Variants in GPC6 observed in about 807,000 individuals in gnomAD.
GPC6 encodes the protein glypican 6, also known as glypican-6.
A neutral mutation model predicts 55.2 loss-of-function variants in GPC6; 14 were observed. That is an observed-to-expected ratio of 0.25 (90% CI 0.17 to 0.40). GPC6 has a LOEUF of 0.40. GPC6 is among the 10% of genes least tolerant of loss of function. The probability of loss-of-function intolerance (pLI) is 1.00; values close to 1 mark genes in which losing one functional copy is unlikely to be tolerated. For missense variants in GPC6, 641 were observed against 708.5 expected (o/e 0.90, Z 1.08); for synonymous variants, 278 against 259.6 (o/e 1.07, Z -0.68).
chr13:93,900,970 G>C (rs1467200847), intron 3 of GPC6, among the ~76,000 whole-genome samples: 4 of 152,072 alleles, frequency 2.6e-5, no homozygotes, highest in African/African-American at 9.7e-5. Flanking sequence ...CCAGTTCTTG[G>C]TCACAGCTAA....
rs1880287177 is a variant in GPC6 at position 93,342,334 on chromosome 13, G to A, written c.160+114718G>A. Among the ~76,000 whole-genome samples the A allele has an allele frequency of 4.6e-5, 7 of 152,268 alleles. No individual in the cohort carries two copies. The South Asian group carries it at 1.5e-3, about 32-fold the overall frequency. On this transcript the variant is annotated intron_variant, in intron 1 of 8. Coordinates refer to ENST00000377047, the MANE Select transcript of GPC6 (RefSeq NM_005708.5). ...GAAGAAGAGGTTTAATGGATTCACA[G>A]TTCCACATGGCTGGGGAGGCCTCAC...
chr13:94,392,660 C>G (rs946192678), intron 7 of GPC6, among the ~76,000 whole-genome samples: 1 of 147,776 alleles, frequency 6.8e-6, no homozygotes, highest in East Asian at 2.0e-4. Flanking sequence ...AACTCTCGAC[C>G]TCAGGTGATC....
intron 1 of GPC6, among the ~76,000 whole-genome samples, chr13:93,254,348 A>C (rs548687389): frequency 1.3e-5 from 2 of 152,306 alleles, no homozygotes; most frequent in South Asian, 4.1e-4. Flanking sequence ...ATGAAAATGA[A>C]AGATCCATAG....
At chr13:94,139,718 G>C (rs1887309165) in intron 4 of GPC6, among the ~76,000 whole-genome samples, 1 of 152,164 alleles carries the variant, frequency 6.6e-6, no homozygotes, top group African/African-American at 2.4e-5. Flanking sequence ...CTGTTGGACA[G>C]AGTTAGGTAA....
chr13:93,455,457 C>T (rs1316228236), intron 1 of GPC6, among the ~76,000 whole-genome samples: 1 of 151,934 alleles, frequency 6.6e-6, no homozygotes, highest in African/African-American at 2.4e-5. Context: ...GGCTTTAAAA[C>T]CTGCAGTTTT....
intron 4 of GPC6, among the ~76,000 whole-genome samples, chr13:94,241,839 GACA>G (rs1303833309): frequency 6.6e-6 from 1 of 152,022 alleles, no homozygotes; most frequent in Non-Finnish European, 1.5e-5. Flanking sequence ...ACAAATTCTA[GACA>G]ACGAGATGTA....
intron 7 of GPC6, among the ~76,000 whole-genome samples, chr13:94,398,237 T>TAAAAAA (rs375910551): frequency 7.1e-6 from 1 of 139,888 alleles, no homozygotes; most frequent in East Asian, 2.1e-4. Context: ...CAGTGCCATT[T>TAAAAAA]AAAAAAAAAA....
intron 4 of GPC6, among the ~76,000 whole-genome samples, chr13:94,076,150 A>G (rs1378619240): frequency 6.6e-6 from 1 of 151,452 alleles, no homozygotes; most frequent in Admixed American, 6.6e-5. Flanking sequence ...TTTTTAAATA[A>G]TGATCATCCT....
chr13:93,952,660 T>C (rs906371776), intron 3 of GPC6, among the ~76,000 whole-genome samples: 4 of 151,484 alleles, frequency 2.6e-5, no homozygotes, highest in African/African-American at 9.7e-5. Context: ...TATATGTATG[T>C]ATATGTATGT....
intron 4 of GPC6, among the ~76,000 whole-genome samples, chr13:94,209,482 T>C (rs1375527004): frequency 6.6e-6 from 1 of 152,224 alleles, no homozygotes; most frequent in African/African-American, 2.4e-5. Flanking sequence ...CAGTGTCATA[T>C]TGATCTGCAA....
At chr13:93,640,757 C>T (rs1423810797) in intron 2 of GPC6, among the ~76,000 whole-genome samples, 1 of 85,310 alleles carries the variant, frequency 1.2e-5, no homozygotes, top group African/African-American at 5.8e-5. Flanking sequence ...CTTTCCTTCC[C>T]TCCCTCCTCC....
chr13:93,872,670 C>G (rs1363222711), intron 3 of GPC6, among the ~76,000 whole-genome samples: 1 of 151,866 alleles, frequency 6.6e-6, no homozygotes, highest in Non-Finnish European at 1.5e-5. Context: ...TACTCTGGGC[C>G]CACCCATGTG....
chr13:94,394,598 A>T (rs1195590672), intron 7 of GPC6, among the ~76,000 whole-genome samples: 1 of 152,206 alleles, frequency 6.6e-6, no homozygotes, highest in Non-Finnish European at 1.5e-5. Flanking sequence ...TGAGGTCCTC[A>T]TGCTGAGTGG....
chr13:93,506,894 CAA>C (rs34398987), intron 1 of GPC6, among the ~76,000 whole-genome samples: 14,410 of 123,042 alleles, frequency 0.12, 938 homozygotes, highest in East Asian at 0.3. Flanking sequence ...AAAGAAAATA[CAA>C]AAAAAAAAAA....
chr13:93,346,076 T>C (rs577871771), intron 1 of GPC6, among the ~76,000 whole-genome samples: 5 of 152,190 alleles, frequency 3.3e-5, no homozygotes, highest in East Asian at 1.9e-4. Flanking sequence ...GCTTTTAGTG[T>C]CACACAAATG....
At chr13:93,770,604 A>G (rs1440860368) in intron 2 of GPC6, among the ~76,000 whole-genome samples, 1 of 152,056 alleles carries the variant, frequency 6.6e-6, no homozygotes, top group Non-Finnish European at 1.5e-5. Flanking sequence ...AGGCTTATCC[A>G]CACTTCCCAT....
At chr13:94,231,565 A>C (rs779182956) in intron 4 of GPC6, among the ~76,000 whole-genome samples, 37 of 152,232 alleles carry the variant, frequency 2.4e-4, no homozygotes, top group Admixed American at 6.5e-4. Flanking sequence ...AATCAATGCT[A>C]AATGTTGTCA....
At chr13:93,822,058 CAT>C (rs1887067406) in intron 2 of GPC6, among the ~76,000 whole-genome samples, 1 of 150,944 alleles carries the variant, frequency 6.6e-6, no homozygotes, top group Non-Finnish European at 1.5e-5. Context: ...ACATAAAGTA[CAT>C]AATATTTTGC....
chr13:93,380,648 C>T (rs1875124612), intron 1 of GPC6, among the ~76,000 whole-genome samples: 2 of 151,942 alleles, frequency 1.3e-5, no homozygotes, highest in Admixed American at 1.3e-4. Flanking sequence ...TAGCCAGTCA[C>T]TGTCTTTAGA....
Sources: allele counts gnomAD v4.1 joint callset (sites outside exome capture counted in the v4.1 genomes callset), GRCh38; gene constraint gnomAD v4.1.1; transcripts MANE v1.5; gene names NCBI Gene and HGNC (gene_info 2026-07-23, HGNC 2026-07-21).